PPP1R13B: variants seen among roughly 807,000 people sequenced by gnomAD.
PPP1R13B encodes the protein protein phosphatase 1 regulatory subunit 13B.
Under a neutral mutation model 119.8 loss-of-function variants are expected in PPP1R13B, and 44 were observed. That is an observed-to-expected ratio of 0.37 (90% CI 0.29 to 0.47). The LOEUF (loss-of-function observed/expected upper bound fraction) is 0.47. Among genes scored for constraint, PPP1R13B ranks in the 20% least tolerant of loss-of-function variants. The pLI is 0.99. For synonymous variants in PPP1R13B, 542 were observed against 561.5 expected (o/e 0.97, Z 0.49); for missense variants, 1,227 against 1,413.5 (o/e 0.87, Z 2.12).
chr14:103,738,492 AT>A lies in PPP1R13B; in HGVS notation c.2864+186del. Reference sequence around the variant, plus strand: ...CCACAGCCACGTTTTTAACAAAATCATCAAGAGAAAAGGCTGGAAAAAAAGG... The same window carrying A: ...CCACAGCCACGTTTTTAACAAAATCACAAGAGAAAAGGCTGGAAAAAAAGG... On this transcript the variant is annotated intron_variant, in intron 14 of 16. Transcript: ENST00000202556. This position sits in a 1 kb window ranked among gnomAD's most constrained non-coding sequence, Gnocchi z 5.6. 1 of 884,072 alleles carries A rather than the reference AT, an allele frequency of 1.1e-6. No individual in the cohort carries two copies. The allele number at this position is 884,072 out of a possible 1,614,324, so 54.8% of individuals were successfully genotyped here.
At chr14:103,808,387 C>T (rs2086068213) in intron 1 of PPP1R13B, among the ~76,000 whole-genome samples, 1 of 152,146 alleles carries the variant, frequency 6.6e-6, no homozygotes, top group African/African-American at 2.4e-5. Context: ...CTGGGCCACA[C>T]TGGAGAATTG....
intron 4 of PPP1R13B, among the ~76,000 whole-genome samples, chr14:103,777,791 A>T (rs2085241303): frequency 8.0e-6 from 1 of 125,242 alleles, no homozygotes; most frequent in South Asian, 2.4e-4. Context: ...ACTACCGGTA[A>T]AAAGCAATTA....
chr14:103,788,825 C>G (rs2085536991), intron 2 of PPP1R13B, among the ~76,000 whole-genome samples: 1 of 152,090 alleles, frequency 6.6e-6, no homozygotes, highest in African/African-American at 2.4e-5. Flanking sequence ...ATGATATTAG[C>G]ATTTAGAGTG....
rs746593375 is a variant in PPP1R13B at position 103,836,047 on chromosome 14, C to CTT, written c.9+11250_9+11251dup. Among the ~76,000 whole-genome samples, 444 of 133,612 alleles carry CTT rather than the reference C, an allele frequency of 3.3e-3. 1 individual carries two copies. Among genetic ancestry groups the CTT allele is most frequent in the African/African-American group, 0.012 (428 of 36,578 alleles). The allele number at this position is 133,612 out of a possible 152,430, so 87.7% of individuals were successfully genotyped here. On this transcript the variant is annotated intron_variant, in intron 1 of 16. Transcript: ENST00000202556. ...TAAGCCATGGCGCCTGGCCTACTGA[C>CTT]TTTTTTTTTTTTTTTTAAGACACAG...
chr14:103,847,279 T>TA lies in PPP1R13B; in HGVS notation c.9+19_9+20insT. ...GCCCGCGGAGGAAGCCGCCGCCACC[T>TA]CCCGCCCGCCCTCACCCACCGGCAT... On this transcript the variant is annotated intron_variant, in intron 1 of 16. Coordinates refer to ENST00000202556, the MANE Select transcript of PPP1R13B (RefSeq NM_015316.3). 1.7e-6 allele frequency: 2 copies of TA among 1,193,138 alleles called. No individual in the cohort carries two copies. Among genetic ancestry groups the TA allele is most frequent in the Non-Finnish European group, 2.1e-6 (2 of 947,374 alleles). 73.9% of individuals were successfully genotyped at this position (1,193,138 alleles called of 1,614,324 possible).
In PPP1R13B at chr14:103,733,463, T is replaced by TG. The variant is rs1327471548; in HGVS notation, c.*1690dup. 6.2e-6 allele frequency: 1 copy of TG among 160,746 alleles called. No homozygotes were observed. Among genetic ancestry groups the TG allele is most frequent in the East Asian group, 1.8e-4 (1 of 5,460 alleles). The allele number at this position is 160,746 out of a possible 1,614,324, so 10.0% of individuals were successfully genotyped here. A position where few individuals can be genotyped will look rare whatever the true frequency, so the allele number is the denominator to read the frequency against. On this transcript the variant is annotated 3_prime_UTR_variant, in exon 17 of 17. Coordinates refer to ENST00000202556, the MANE Select transcript of PPP1R13B (RefSeq NM_015316.3). Reference sequence around the variant, plus strand: ...CCTCTAATAGCCAGTTTACAGCACTTGCCTTAGCCTGTTTCACAGACTTGT... The same window carrying TG: ...CCTCTAATAGCCAGTTTACAGCACTTGGCCTTAGCCTGTTTCACAGACTTGT...
chr14:103,825,158 G>A (rs562162508), intron 1 of PPP1R13B, among the ~76,000 whole-genome samples: 3 of 152,214 alleles, frequency 2.0e-5, no homozygotes, highest in Non-Finnish European at 2.9e-5. Context: ...TAGCACCCAC[G>A]TAGAACAGCA....
intron 2 of PPP1R13B, among the ~76,000 whole-genome samples, chr14:103,791,672 C>G (rs374061845): frequency 6.6e-6 from 1 of 152,148 alleles, no homozygotes; most frequent in Non-Finnish European, 1.5e-5. Flanking sequence ...TGTAGTGAGC[C>G]GAGATCCTGC....
intron 9 of PPP1R13B, among the ~76,000 whole-genome samples, chr14:103,745,891 C>T (rs551066488): frequency 1.2e-4 from 18 of 152,316 alleles, no homozygotes; most frequent in African/African-American, 4.3e-4. Context: ...CTGCAACCTC[C>T]GCCTCCCAGG....
intron 15 of PPP1R13B, 66 bp from the exon 16 acceptor site, chr14:103,736,268 G>A (rs2084108493): frequency 2.6e-6 from 4 of 1,526,930 alleles, no homozygotes; most frequent in Non-Finnish European, 3.6e-6. Context: ...CCCTGCTCGA[G>A]GAACAGGACA....
chr14:103,837,583 G>A (rs2086807320), intron 1 of PPP1R13B, among the ~76,000 whole-genome samples: 1 of 151,602 alleles, frequency 6.6e-6, no homozygotes, highest in African/African-American at 2.4e-5. Flanking sequence ...TCCCTCACAT[G>A]CACACATTCA....
chr14:103,786,790 GC>G (rs2085474899), intron 2 of PPP1R13B, among the ~76,000 whole-genome samples: 3 of 70,740 alleles, frequency 4.2e-5, no homozygotes, highest in African/African-American at 6.9e-5. Flanking sequence ...AAAAAAAAAG[GC>G]TGGTCATGGT....
intron 16 of PPP1R13B, among the ~76,000 whole-genome samples, chr14:103,735,553 G>T (rs1197561230): frequency 2.0e-5 from 3 of 152,190 alleles, no homozygotes; most frequent in Admixed American, 2.0e-4. Flanking sequence ...CAGCTCTGCA[G>T]GGCACAAAGA....
chr14:103,744,921 C>A (rs1178525991), intron 9 of PPP1R13B, among the ~76,000 whole-genome samples: 3 of 152,244 alleles, frequency 2.0e-5, no homozygotes, highest in Non-Finnish European at 4.4e-5. Flanking sequence ...CCCCTTGAGG[C>A]AGCACAGCAG....
chr14:103,755,575 C>A (rs2084657159), intron 5 of PPP1R13B, among the ~76,000 whole-genome samples: 1 of 152,116 alleles, frequency 6.6e-6, no homozygotes. Context: ...ATAAAATACA[C>A]CTACATAGGG....
intron 1 of PPP1R13B, among the ~76,000 whole-genome samples, chr14:103,842,088 A>G (rs1432597770): frequency 2.0e-5 from 3 of 152,242 alleles, no homozygotes; most frequent in Non-Finnish European, 4.4e-5. Flanking sequence ...ATGCTTCTAC[A>G]TAGTTGGGAA....
chr14:103,748,409 C>T (rs188845482), intron 8 of PPP1R13B, among the ~76,000 whole-genome samples: 25 of 152,224 alleles, frequency 1.6e-4, no homozygotes, highest in Admixed American at 1.6e-3. Context: ...ACCCTCCACA[C>T]CCACTCCCCC....
Position 103,797,352 on chromosome 14 carries a change from T to C in PPP1R13B, c.157+19A>G, listed in dbSNP as rs1451187161. 1.3e-6 allele frequency: 2 copies of C among 1,597,702 alleles called. No individual in the cohort carries two copies. The highest frequency in any genetic ancestry group is 1.7e-6 in the Non-Finnish European group (2 of 1,173,322). ...TTGATTTTATCAATGTAACAATCTTTACAGGACCTAATACATACCATTTCC... is the reference window on the plus strand; with the variant it reads ...TTGATTTTATCAATGTAACAATCTTCACAGGACCTAATACATACCATTTCC... On this transcript the variant is annotated intron_variant, in intron 2 of 16. Transcript: ENST00000202556.
At chr14:103,836,915 C>T (rs2086792269) in intron 1 of PPP1R13B, among the ~76,000 whole-genome samples, 1 of 152,156 alleles carries the variant, frequency 6.6e-6, no homozygotes, top group Non-Finnish European at 1.5e-5. Context: ...CAAATACTAG[C>T]TCTATCACAA....
Sources: allele counts gnomAD v4.1 joint callset (sites outside exome capture counted in the v4.1 genomes callset), GRCh38; gene constraint gnomAD v4.1.1; non-coding constraint Gnocchi (gnomAD v3.1); transcripts MANE v1.5; gene names NCBI Gene and HGNC (gene_info 2026-07-23, HGNC 2026-07-21).